The following FLNB variants were observed in gnomAD, a reference collection of about 807,000 sequenced individuals.
FLNB encodes the protein filamin-B.
FLNB carries 111 observed loss-of-function variants against 250.6 expected under a neutral mutation model. That is an observed-to-expected ratio of 0.44 (90% CI 0.38 to 0.52). The LOEUF is 0.52. FLNB is among the 20% of genes least tolerant of loss of function. The pLI is 0.00. For missense variants in FLNB, 2,869 were observed against 3,447.8 expected, an observed-to-expected ratio of 0.83 and a Z score of 4.20; for synonymous variants, 1,302 against 1,372.1, an observed-to-expected ratio of 0.95 and a Z score of 1.13.
At chr3:58,048,117 G>A (rs1388594856) in intron 1 of FLNB, among the ~76,000 whole-genome samples, 1 of 152,020 alleles carries the variant, frequency 6.6e-6, no homozygotes, top group East Asian at 1.9e-4. Flanking sequence ...AAAAAAAAAT[G>A]GCATTTTTTG....
intron 33 of FLNB, 53 bp from the exon 34 acceptor site, chr3:58,146,767 A>C: frequency 6.3e-7 from 1 of 1,599,908 alleles, no homozygotes; most frequent in Non-Finnish European, 8.6e-7. Context: ...GGAAACTCTT[A>C]AAACAAGGCA....
At chr3:58,084,691 C>T (rs769027535) in intron 4 of FLNB, among the ~76,000 whole-genome samples, 1 of 152,178 alleles carries the variant, frequency 6.6e-6, no homozygotes, top group Non-Finnish European at 1.5e-5. Flanking sequence ...GCAACCGCCA[C>T]TGCTATCCAT....
At chr3:58,151,269 G>C (rs1020107790) in intron 38 of FLNB, 1 of 151,606 alleles carries the variant, frequency 6.6e-6, no homozygotes, top group Non-Finnish European at 1.5e-5. Context: ...GCGGGCACCT[G>C]TAATCCCACC....
At chr3:58,039,054 A>G (rs2097142369) in intron 1 of FLNB, among the ~76,000 whole-genome samples, 1 of 148,730 alleles carries the variant, frequency 6.7e-6, no homozygotes, top group Non-Finnish European at 1.5e-5. Context: ...AAAAGACAAG[A>G]TCTCGCTCTG....
chr3:58,022,132 G>C (rs1409392051), intron 1 of FLNB, among the ~76,000 whole-genome samples: 1 of 152,176 alleles, frequency 6.6e-6, no homozygotes, highest in East Asian at 1.9e-4. Context: ...TCTCCCACGG[G>C]TCATCAGTGC....
At chr3:58,146,732 G>A (rs981369407) in intron 33 of FLNB, 88 bp from the exon 34 acceptor site, 5 of 1,403,578 alleles carry the variant, frequency 3.6e-6, no homozygotes, top group Middle Eastern at 3.6e-4. Flanking sequence ...CCAGCATCAG[G>A]GCTGCCCTGG....
At chr3:58,132,964 C>T in intron 26 of FLNB, 33 bp downstream of exon 26, 1 of 1,598,000 alleles carries the variant, frequency 6.3e-7, no homozygotes, top group Non-Finnish European at 8.5e-7. Context: ...TCCATTCCTC[C>T]ATCAGTCTAT....
chr3:58,111,769 T>G (rs780398185), intron 16 of FLNB, 22 bp from the exon 17 acceptor site: 1 of 1,593,728 alleles, frequency 6.3e-7, no homozygotes. Flanking sequence ...GCTTTCCTAC[T>G]AAGACTGTGT....
At position 58,087,281 on chromosome 3, in the gene FLNB, T is replaced by C. The variant is rs561182604; in HGVS notation, c.787+5505T>C. On this transcript the variant is annotated intron_variant, in intron 4 of 45. Transcript: ENST00000295956. ...TTGTGGGTACTTTGCAAGTATCTTT[T>C]AAGGATACATAGTGATTGTGGATAA... 1.3e-4 allele frequency among the ~76,000 whole-genome samples: 20 copies of C among 152,300 alleles called. No homozygotes were observed. In the South Asian group the frequency reaches 4.1e-3, roughly 32 times the overall value.
At chr3:58,117,137 G>A (rs573712759) in intron 18 of FLNB, among the ~76,000 whole-genome samples, 15 of 152,250 alleles carry the variant, frequency 9.9e-5, no homozygotes, top group East Asian at 3.9e-4. Context: ...CTGCGAAGTC[G>A]TGGCGAAATG....
intron 1 of FLNB, among the ~76,000 whole-genome samples, chr3:58,030,834 T>C (rs564686964): frequency 2.0e-5 from 3 of 152,210 alleles, no homozygotes; most frequent in African/African-American, 7.2e-5. Context: ...TGGTGAGCTG[T>C]GGTTGCGCTG....
chr3:58,153,512 G>A lies in FLNB; in HGVS notation c.6505G>A (p.Val2169Ile), dbSNP rs202238767. ...PQEMGVHTVSVKYRGQHVTGS... is the reference protein window; with the variant it reads ...PQEMGVHTVSIKYRGQHVTGS... ...GGAGATGGGCGTGCACACGGTCAGC[G>A]TCAAGTACCGTGGGCAGCACGTCAC... is the stretch of plus-strand genomic sequence containing the variant. The change falls in exon 39 of 46, where the codon GTC becomes ATC. Residue 2169 changes from valine to isoleucine, a missense_variant. By Grantham distance (29) the Val-to-Ile change is conservative. Around this residue, in one of 5 missense-constraint regions of FLNB, gnomAD observed 1,084 missense variants for 1,315.5 expected, o/e 0.82. Transcript: ENST00000295956. The A allele has an allele frequency of 2.5e-5, 41 of 1,614,204 alleles. No individual in the cohort carries two copies. Among genetic ancestry groups the A allele is most frequent in the Non-Finnish European group, 3.1e-5 (36 of 1,180,052 alleles).
chr3:58,054,159 G>A (rs976762011), intron 1 of FLNB, among the ~76,000 whole-genome samples: 5 of 152,160 alleles, frequency 3.3e-5, no homozygotes, highest in African/African-American at 7.2e-5. Flanking sequence ...AGTGTTGGGA[G>A]GATCAGTTAT....
intron 16 of FLNB, among the ~76,000 whole-genome samples, chr3:58,110,423 A>G (rs954605411): frequency 3.3e-5 from 5 of 150,666 alleles, no homozygotes; most frequent in African/African-American, 1.2e-4. Context: ...ACCACCACCC[A>G]GCTAATTTTT....
chr3:58,155,465 A>C (rs2097351862), intron 40 of FLNB, among the ~76,000 whole-genome samples: 1 of 152,276 alleles, frequency 6.6e-6, no homozygotes, highest in Non-Finnish European at 1.5e-5. Flanking sequence ...ATCTTCGTTA[A>C]TACATTAAAT....
chr3:58,035,650 G>A (rs1371706212), intron 1 of FLNB, among the ~76,000 whole-genome samples: 1 of 152,186 alleles, frequency 6.6e-6, no homozygotes, highest in African/African-American at 2.4e-5. Context: ...AAAAAGATCC[G>A]TGGTTATAGG....
intron 1 of FLNB, among the ~76,000 whole-genome samples, chr3:58,044,656 T>G (rs1482209791): frequency 6.6e-6 from 1 of 151,836 alleles, no homozygotes; most frequent in Non-Finnish European, 1.5e-5. Flanking sequence ...AATAAACAAA[T>G]AATATCAAGG....
chr3:58,106,418 A>G (rs1475872343), intron 11 of FLNB, among the ~76,000 whole-genome samples: 4 of 147,456 alleles, frequency 2.7e-5, no homozygotes, highest in African/African-American at 7.4e-5. Flanking sequence ...GGCCCTCCCA[A>G]AGTGCTGGGA....
intron 4 of FLNB, among the ~76,000 whole-genome samples, chr3:58,085,427 G>A (rs1209735379): frequency 6.6e-6 from 1 of 152,234 alleles, no homozygotes; most frequent in Admixed American, 6.5e-5. Context: ...TGCCACCTGA[G>A]CCCAGGAAGA....
Sources: gnomAD v4.1 joint callset for allele counts (sites outside exome capture counted in the v4.1 genomes callset) on GRCh38, gnomAD v4.1.1 for gene constraint, gnomAD v4.1.1 regional missense constraint, MANE v1.5 for transcripts, NCBI Gene and HGNC (gene_info 2026-07-23, HGNC 2026-07-21) for gene names.